Variants in SLC24A2 observed in about 807,000 individuals in gnomAD.
The protein encoded by SLC24A2 is solute carrier family 24 member 2, also known as sodium/potassium/calcium exchanger 2.
Under a neutral mutation model 62.0 loss-of-function variants are expected in SLC24A2, and 36 were observed. That is an observed-to-expected ratio of 0.58 (90% CI 0.44 to 0.77). SLC24A2 has a LOEUF of 0.77. Among genes scored for constraint, SLC24A2 ranks in the 30% least tolerant of loss-of-function variants. SLC24A2 has a pLI of 0.00. For missense variants in SLC24A2, 846 were observed against 817.9 expected, an observed-to-expected ratio of 1.03 and a Z score of -0.42; for synonymous variants, 358 against 294.0, an observed-to-expected ratio of 1.22 and a Z score of -2.23.
chr9:19,669,500 A>G (rs1819352451), intron 2 of SLC24A2, among the ~76,000 whole-genome samples: 1 of 152,218 alleles, frequency 6.6e-6, no homozygotes, highest in Non-Finnish European at 1.5e-5. Flanking sequence ...AAACTACACA[A>G]ACTTATTACT....
upstream of SLC24A2, among the ~76,000 whole-genome samples, chr9:19,790,079 C>T (rs1823293375): frequency 1.3e-5 from 2 of 151,156 alleles, no homozygotes; most frequent in Admixed American, 1.3e-4. Context: ...CAATCAAAGC[C>T]AGGCATTCAA....
chr9:20,245,234 A>C, the SLC24A2 span, among the ~76,000 whole-genome samples: 1 of 152,210 alleles, frequency 6.6e-6, no homozygotes, highest in African/African-American at 2.4e-5. Flanking sequence ...ACCTGTGATT[A>C]ATACCAAGTG....
the SLC24A2 span, among the ~76,000 whole-genome samples, chr9:20,306,442 C>T: frequency 2.0e-5 from 3 of 152,258 alleles, no homozygotes; most frequent in African/African-American, 7.2e-5. Flanking sequence ...TAATTTTTTC[C>T]CAAAAGGTTC....
At chr9:19,545,814 G>A (rs1371376715) in intron 8 of SLC24A2, among the ~76,000 whole-genome samples, 2 of 151,842 alleles carry the variant, frequency 1.3e-5, no homozygotes, top group Non-Finnish European at 2.9e-5. Flanking sequence ...AATTTTTTGT[G>A]TTTTTACTAG....
chr9:19,675,458 C>T (rs145447610), intron 2 of SLC24A2, among the ~76,000 whole-genome samples: 147 of 152,216 alleles, frequency 9.7e-4, no homozygotes, highest in African/African-American at 3.5e-3. Flanking sequence ...CCAGGGCAGG[C>T]AGAGAAAGAC....
the SLC24A2 span, among the ~76,000 whole-genome samples, chr9:20,089,864 AC>A: frequency 1.3e-5 from 2 of 151,330 alleles, no homozygotes; most frequent in Non-Finnish European, 2.9e-5. Context: ...TGAGCCCTTG[AC>A]CCCCTGCTCC....
the SLC24A2 span, among the ~76,000 whole-genome samples, chr9:19,887,720 G>T: frequency 1.3e-5 from 2 of 152,074 alleles, no homozygotes; most frequent in South Asian, 2.1e-4. Flanking sequence ...CAGAGGAAAA[G>T]AAGTCATTAT....
the SLC24A2 span, among the ~76,000 whole-genome samples, chr9:20,092,159 G>C: frequency 5.3e-5 from 8 of 152,162 alleles, no homozygotes; most frequent in African/African-American, 1.9e-4. Flanking sequence ...CTTAGTACCT[G>C]GTGATGAAAT....
intron 2 of SLC24A2, among the ~76,000 whole-genome samples, chr9:19,710,394 T>C (rs116688257): frequency 2.0e-5 from 3 of 151,608 alleles, no homozygotes; most frequent in South Asian, 2.1e-4. Flanking sequence ...ATAAGAGGAG[T>C]ACTAGCCCTA....
the SLC24A2 span, among the ~76,000 whole-genome samples, chr9:20,277,155 C>T: frequency 2.6e-5 from 4 of 152,266 alleles, no homozygotes; most frequent in East Asian, 5.8e-4. Flanking sequence ...CTAGGCAATA[C>T]CATTCAGGAC....
At chr9:19,689,370 A>G (rs1000242464) in intron 2 of SLC24A2, among the ~76,000 whole-genome samples, 8 of 152,190 alleles carry the variant, frequency 5.3e-5, no homozygotes, top group African/African-American at 1.4e-4. Flanking sequence ...TTTAGTCTCA[A>G]TAAGATTGAT....
chr9:19,609,244 G>T (rs1179432795), intron 4 of SLC24A2, among the ~76,000 whole-genome samples: 1 of 152,214 alleles, frequency 6.6e-6, no homozygotes, highest in Middle Eastern at 3.2e-3. Context: ...TTCAGTTGGG[G>T]ATTCAAATGC....
At chr9:20,121,048 A>G in the SLC24A2 span, among the ~76,000 whole-genome samples, 11 of 149,714 alleles carry the variant, frequency 7.3e-5, no homozygotes, top group African/African-American at 2.7e-4. Flanking sequence ...GAAATTAGGT[A>G]CTATGGCTCC....
At chr9:20,056,749 C>G in the SLC24A2 span, among the ~76,000 whole-genome samples, 1 of 152,132 alleles carries the variant, frequency 6.6e-6, no homozygotes, top group East Asian at 1.9e-4. Flanking sequence ...GATTGCATGG[C>G]ATCAAGACCA....
chr9:19,924,862 T>C, the SLC24A2 span, among the ~76,000 whole-genome samples: 1 of 152,202 alleles, frequency 6.6e-6, no homozygotes, highest in Admixed American at 6.5e-5. Context: ...ATTACTATCC[T>C]TCAGCTCATT....
the SLC24A2 span, among the ~76,000 whole-genome samples, chr9:19,950,769 C>G: frequency 6.6e-6 from 1 of 152,210 alleles, no homozygotes; most frequent in Admixed American, 6.5e-5. Flanking sequence ...ATTTCATTAT[C>G]AGGTTGTGGC....
At chr9:19,817,548 T>TCATGTATA in the SLC24A2 span, among the ~76,000 whole-genome samples, 7 of 151,838 alleles carry the variant, frequency 4.6e-5, no homozygotes, top group African/African-American at 1.5e-4. Context: ...ATATTAATTT[T>TCATGTATA]ATAATGGCCA....
the SLC24A2 span, among the ~76,000 whole-genome samples, chr9:20,178,433 CAT>C: frequency 6.6e-6 from 1 of 152,152 alleles, no homozygotes; most frequent in Non-Finnish European, 1.5e-5. Context: ...TGCTCCCCCA[CAT>C]GTCAACATAT....
At chr9:20,090,144 A>C in the SLC24A2 span, among the ~76,000 whole-genome samples, 2 of 150,922 alleles carry the variant, frequency 1.3e-5, no homozygotes, top group Admixed American at 1.3e-4. Context: ...TCCTACCCAC[A>C]CTCCTGCTCA....
Sources: allele counts gnomAD v4.1 joint callset (sites outside exome capture counted in the v4.1 genomes callset), GRCh38; gene constraint gnomAD v4.1.1; transcripts MANE v1.5; gene names NCBI Gene and HGNC (gene_info 2026-07-23, HGNC 2026-07-21).